IQCH: variants seen among roughly 807,000 people sequenced by gnomAD.
IQCH encodes IQ domain-containing protein H.
IQCH carries 98 observed loss-of-function variants against 117.0 expected under a neutral mutation model. That is an observed-to-expected ratio of 0.84 (90% CI 0.71 to 0.99). IQCH has a LOEUF of 0.99. IQCH is among the 50% of genes least tolerant of loss of function. The probability of loss-of-function intolerance (pLI) is 0.00; values close to 1 mark genes in which losing one functional copy is unlikely to be tolerated. For missense variants in IQCH, 1,102 were observed against 1,243.8 expected, an observed-to-expected ratio of 0.89 and a Z score of 1.72; for synonymous variants, 412 against 448.2, an observed-to-expected ratio of 0.92 and a Z score of 1.02.
chr15:67,446,834 A>G (rs2082402635), intron 16 of IQCH, among the ~76,000 whole-genome samples: 1 of 152,204 alleles, frequency 6.6e-6, no homozygotes. Context: ...CTTTAGAGAC[A>G]AATAATGGGA....
chr15:67,458,345 C>T lies in IQCH; in HGVS notation c.2506-6782C>T, dbSNP rs760182474. Reference sequence around the variant, plus strand: ...CTTTTTCTCATACTGCACATCCAATCCATCAATAAGTCCTTTTAGTTCTAC... The same window carrying T: ...CTTTTTCTCATACTGCACATCCAATTCATCAATAAGTCCTTTTAGTTCTAC... On this transcript the variant is annotated intron_variant, in intron 16 of 20. Transcript: ENST00000335894. This position sits in a 1 kb window ranked among gnomAD's most constrained non-coding sequence, Gnocchi z 4.1. Among the ~76,000 whole-genome samples the T allele has an allele frequency of 3.3e-5, 5 of 152,208 alleles. No individual in the cohort carries two copies. Among genetic ancestry groups the T allele is most frequent in the Admixed American group, 6.5e-5 (1 of 15,282 alleles).
intron 4 of IQCH, among the ~76,000 whole-genome samples, chr15:67,296,330 G>T (rs948028902): frequency 6.6e-6 from 1 of 152,180 alleles, no homozygotes; most frequent in African/African-American, 2.4e-5. Context: ...AGAGGGAACA[G>T]CATGCTCACT....
rs2081740968 is a variant in IQCH at position 67,421,490 on chromosome 15, TG to T, written c.2420del (p.Gly807GlufsTer6). 3 of 1,614,088 alleles carry T rather than the reference TG, an allele frequency of 1.9e-6. No individual in the cohort carries two copies. Among genetic ancestry groups the T allele is most frequent in the Non-Finnish European group, 2.5e-6 (3 of 1,180,028 alleles). On this transcript the variant is annotated frameshift_variant, in exon 16 of 21. Transcript: ENST00000335894. LOFTEE classifies it high-confidence loss of function. ...TTCTCACTTATTTGTGCCTCCAAAT[TG>T]GAAAAGCCTGCAGAATGAGAGATGT... ...QVLTYLCLQI[G>X]KACRMRDVVG...
intron 17 of IQCH, among the ~76,000 whole-genome samples, chr15:67,469,420 T>G (rs949612209): frequency 3.3e-5 from 5 of 152,240 alleles, no homozygotes; most frequent in African/African-American, 4.8e-5. Flanking sequence ...GGACATCTCC[T>G]GTACGGGGAC....
At chr15:67,303,055 A>AGTTTCTT in intron 4 of IQCH, among the ~76,000 whole-genome samples, 3 of 152,222 alleles carry the variant, frequency 2.0e-5, no homozygotes, top group Non-Finnish European at 2.9e-5. Flanking sequence ...TAGATGGATC[A>AGTTTCTT]TGAACAAATC....
Position 67,387,011 on chromosome 15 carries a change from T to G in IQCH, c.1457-1820T>G, listed in dbSNP as rs1273902329. Among the ~76,000 whole-genome samples the G allele has an allele frequency of 6.6e-6, 1 of 152,144 alleles. No individual in the cohort carries two copies. The highest frequency in any genetic ancestry group is 2.4e-5 in the African/African-American group (1 of 41,446). Reference sequence around the variant, plus strand: ...TTCATCTGTTACAGTCTGTAAGCTATTTTTGTTGTTTTTCTGCCCTATTCT... The same window carrying G: ...TTCATCTGTTACAGTCTGTAAGCTAGTTTTGTTGTTTTTCTGCCCTATTCT... On this transcript the variant is annotated intron_variant, in intron 11 of 20. Coordinates refer to ENST00000335894, the MANE Select transcript of IQCH (RefSeq NM_001031715.3). The surrounding 1 kb of genome is among the most constrained non-coding windows in gnomAD (Gnocchi z 4.8).
At chr15:67,300,880 A>G (rs11631885) in intron 4 of IQCH, among the ~76,000 whole-genome samples, 69,956 of 152,056 alleles carry the variant, frequency 0.46, 16,520 homozygotes, top group Non-Finnish European at 0.52. Context: ...TGTGGGCATA[A>G]TAATGAAATA....
At chr15:67,308,187 ATC>A (rs1389223800) in intron 4 of IQCH, among the ~76,000 whole-genome samples, 1 of 152,164 alleles carries the variant, frequency 6.6e-6, no homozygotes, top group Non-Finnish European at 1.5e-5. Flanking sequence ...GCCAGCAATT[ATC>A]TCTTTTACTT....
intron 6 of IQCH, among the ~76,000 whole-genome samples, chr15:67,345,411 A>G (rs1009543797): frequency 5.9e-5 from 9 of 152,242 alleles, no homozygotes; most frequent in Non-Finnish European, 1.2e-4. Flanking sequence ...TACGGAAAGA[A>G]GAAAAACAGA....
At position 67,302,907 on chromosome 15, in the gene IQCH, G is replaced by A. The variant is rs115128126; in HGVS notation, c.387+23395G>A. 5.5e-3 allele frequency among the ~76,000 whole-genome samples: 839 copies of A among 152,206 alleles called. 4 individuals are homozygous for A. Among genetic ancestry groups the A allele is most frequent in the African/African-American group, 0.02 (812 of 41,542 alleles). On this transcript the variant is annotated intron_variant, in intron 4 of 20. Coordinates refer to ENST00000335894, the MANE Select transcript of IQCH (RefSeq NM_001031715.3). ...AAAACCATGCTATTAAAAAGTAAAAGGAAGATTTGGGATATCTGTTAAAGA... is the reference window on the plus strand; with the variant it reads ...AAAACCATGCTATTAAAAAGTAAAAAGAAGATTTGGGATATCTGTTAAAGA...
In IQCH at chr15:67,447,396, G is replaced by A. The variant is rs1488436865; in HGVS notation, c.2506-17731G>A. On this transcript the variant is annotated intron_variant, in intron 16 of 20. Coordinates refer to ENST00000335894, the MANE Select transcript of IQCH (RefSeq NM_001031715.3). This position sits in a 1 kb window ranked among gnomAD's most constrained non-coding sequence, Gnocchi z 5.3. ...GGTGCTGAATCTTTCCTACAAACACGAGTCTGTAGGAAACAGTGGCAAAGT... is the reference window on the plus strand; with the variant it reads ...GGTGCTGAATCTTTCCTACAAACACAAGTCTGTAGGAAACAGTGGCAAAGT... 3.3e-5 allele frequency among the ~76,000 whole-genome samples: 5 copies of A among 152,122 alleles called. No homozygotes were observed. Among genetic ancestry groups the A allele is most frequent in the African/African-American group, 1.2e-4 (5 of 41,422 alleles).
At chr15:67,314,469 C>T (rs537358137) in intron 4 of IQCH, among the ~76,000 whole-genome samples, 1 of 126,802 alleles carries the variant, frequency 7.9e-6, no homozygotes, top group South Asian at 2.7e-4. Flanking sequence ...AACTTATCAT[C>T]TCTTTGTGCT....
chr15:67,351,785 A>G (rs1045826695), intron 6 of IQCH, among the ~76,000 whole-genome samples: 1 of 152,130 alleles, frequency 6.6e-6, no homozygotes, highest in Non-Finnish European at 1.5e-5. Flanking sequence ...ATATAGCCAC[A>G]TCAGCTTCCT....
rs1350991668 is a variant in IQCH, at chr15:67,456,231, T to C, written c.2506-8896T>C. On this transcript the variant is annotated intron_variant, in intron 16 of 20. Transcript: ENST00000335894. The surrounding 1 kb of genome is among the most constrained non-coding windows in gnomAD (Gnocchi z 5.1). Reference sequence around the variant, plus strand: ...TTTCAAGATTTTCCATTTTTGATCCTCAAATTAATTTTAGATATAGTTTCT... The same window carrying C: ...TTTCAAGATTTTCCATTTTTGATCCCCAAATTAATTTTAGATATAGTTTCT... Among the ~76,000 whole-genome samples the C allele has an allele frequency of 6.6e-6, 1 of 152,222 alleles. No individual in the cohort carries two copies. Among genetic ancestry groups the C allele is most frequent in the Non-Finnish European group, 1.5e-5 (1 of 68,036 alleles).
intron 16 of IQCH, among the ~76,000 whole-genome samples, chr15:67,442,871 T>TAG (rs1567193329): frequency 3.0e-5 from 3 of 98,538 alleles, no homozygotes; most frequent in African/African-American, 1.2e-4. Flanking sequence ...TAGATATACA[T>TAG]ATATATATAT....
In IQCH at chr15:67,456,747, G is replaced by T. The variant is rs192375459; in HGVS notation, c.2506-8380G>T. On this transcript the variant is annotated intron_variant, in intron 16 of 20. Coordinates refer to ENST00000335894, the MANE Select transcript of IQCH (RefSeq NM_001031715.3). The surrounding 1 kb of genome is among the most constrained non-coding windows in gnomAD (Gnocchi z 5.1). The stretch of plus-strand genomic sequence containing the variant: ...CCAGGAACTCCCAAATATGGATTTT[G>T]GATTTTTTTCAGAATCCAAAAGTTT... Among the ~76,000 whole-genome samples, 87 of 152,106 alleles carry T rather than the reference G, an allele frequency of 5.7e-4. 6 individuals are homozygous for T. In the East Asian group the frequency reaches 5.8e-3, roughly 10 times the overall value.
intron 16 of IQCH, among the ~76,000 whole-genome samples, chr15:67,421,815 G>A (rs1428466209): frequency 6.6e-6 from 1 of 152,102 alleles, no homozygotes; most frequent in Non-Finnish European, 1.5e-5. Context: ...AAGAGTGACT[G>A]AGGCCAGGCA....
intron 8 of IQCH, among the ~76,000 whole-genome samples, chr15:67,363,691 T>G (rs1007219411): frequency 2.6e-4 from 39 of 152,314 alleles, no homozygotes; most frequent in African/African-American, 9.1e-4. Flanking sequence ...AGCTCATTTT[T>G]GGATCCTCAC....
At chr15:67,485,535 C>T (rs2141074743) in intron 18 of IQCH, among the ~76,000 whole-genome samples, 1 of 152,286 alleles carries the variant, frequency 6.6e-6, no homozygotes, top group East Asian at 1.9e-4. Context: ...TGAAAGACAT[C>T]ACAAACACAT....
Sources: gnomAD v4.1 joint callset for allele counts (sites outside exome capture counted in the v4.1 genomes callset) on GRCh38, gnomAD v4.1.1 for gene constraint, Gnocchi (gnomAD v3.1) non-coding constraint, MANE v1.5 for transcripts, NCBI Gene and HGNC (gene_info 2026-07-23, HGNC 2026-07-21) for gene names.